The following EIF4EBP1 variants were observed in gnomAD, a reference collection of about 807,000 sequenced individuals.
EIF4EBP1 encodes eukaryotic translation initiation factor 4E binding protein 1.
EIF4EBP1 carries 5 observed loss-of-function variants against 9.2 expected under a neutral mutation model. The observed-to-expected ratio is 0.54, with a 90% CI of 0.28 to 1.14. EIF4EBP1 has a LOEUF of 1.14. EIF4EBP1 is among the 50% of genes most tolerant of loss of function. The pLI is 0.09. For synonymous variants in EIF4EBP1, 62 were observed against 67.0 expected, an observed-to-expected ratio of 0.93 and a Z score of 0.36; for missense variants, 139 against 169.6, an observed-to-expected ratio of 0.82 and a Z score of 1.00.
rs372365100 is a variant in EIF4EBP1, at chr8:38,057,126, A to T, written c.191A>T (p.Asn64Ile). 1.2e-6 allele frequency: 2 copies of T among 1,614,024 alleles called. No individual in the cohort carries two copies. Among genetic ancestry groups the T allele is most frequent in the African/African-American group, 2.7e-5 (2 of 74,898 alleles). Reference protein sequence around the residue: ...YDRKFLMECRNSPVTKTPPRD... With the variant: ...YDRKFLMECRISPVTKTPPRD... ...CGGAAATTCCTGATGGAGTGTCGGA[A>T]CTCACCTGTGACCAAAACACCCCCA... Residue 64 changes from asparagine to isoleucine, a missense_variant, in exon 2 of 3, where the codon AAC becomes ATC. Asn to Ile is a moderately radical substitution (Grantham distance 149). Transcript: ENST00000338825.
chr8:38,034,391 C>A (rs893594018), intron 1 of EIF4EBP1, among the ~76,000 whole-genome samples: 9 of 152,114 alleles, frequency 5.9e-5, no homozygotes, highest in African/African-American at 1.7e-4. Context: ...CACACTGAGG[C>A]TCTGCTCTGA....
At chr8:38,058,051 G>C (rs1182818286) in intron 2 of EIF4EBP1, among the ~76,000 whole-genome samples, 1 of 152,170 alleles carries the variant, frequency 6.6e-6, no homozygotes, top group Non-Finnish European at 1.5e-5. Context: ...AGCTTGGCTG[G>C]CTCTGCTAAC....
rs1011675899 is a variant in EIF4EBP1, at chr8:38,059,846, C to T, written c.326-58C>T. 3 of 1,404,884 alleles carry T rather than the reference C, an allele frequency of 2.1e-6. No individual in the cohort carries two copies. In the African/African-American group the frequency reaches 4.8e-5, roughly 22 times the overall value. 87.0% of individuals were successfully genotyped at this position (1,404,884 alleles called of 1,614,324 possible). On this transcript the variant is annotated intron_variant, in intron 2 of 2. Transcript: ENST00000338825. ...TTCTTTATAGCAATGAAAGAATGGC[C>T]TCATATACCAAGCATTCACCCATTG...
chr8:38,040,729 AGTTTTAT>A (rs1207575209), intron 1 of EIF4EBP1, among the ~76,000 whole-genome samples: 7 of 152,146 alleles, frequency 4.6e-5, no homozygotes, highest in African/African-American at 1.7e-4. Context: ...GTCTAGCTTG[AGTTTTAT>A]TTACATGGTA....
intron 1 of EIF4EBP1, among the ~76,000 whole-genome samples, chr8:38,045,791 G>C (rs147963386): frequency 6.6e-6 from 1 of 151,902 alleles, no homozygotes; most frequent in Non-Finnish European, 1.5e-5. Context: ...CCAGACTACC[G>C]TGCAGTGGTA....
chr8:38,060,268 G>A lies in EIF4EBP1; in HGVS notation c.*333G>A. 2 of 177,174 alleles carry A rather than the reference G, an allele frequency of 1.1e-5. No homozygotes were observed. Among genetic ancestry groups the A allele is most frequent in the Non-Finnish European group, 2.0e-5 (2 of 99,332 alleles). The allele number at this position is 177,174 out of a possible 1,614,324, so 11.0% of individuals were successfully genotyped here. A position where few individuals can be genotyped will look rare whatever the true frequency, so the allele number is the denominator to read the frequency against. The stretch of plus-strand genomic sequence containing the variant: ...GTTCCAGCCCCTCGCTGCTGGGGGC[G>A]CAACCACCCCTTCCTTAGGTTGATG... On this transcript the variant is annotated 3_prime_UTR_variant, in exon 3 of 3. Transcript: ENST00000338825.
intron 1 of EIF4EBP1, among the ~76,000 whole-genome samples, chr8:38,046,471 C>T (rs1418350184): frequency 6.6e-6 from 1 of 152,186 alleles, no homozygotes; most frequent in African/African-American, 2.4e-5. Flanking sequence ...TCACCCTGTC[C>T]CTTCCAAGTG....
intron 1 of EIF4EBP1, among the ~76,000 whole-genome samples, chr8:38,035,997 G>T (rs1031330956): frequency 6.7e-6 from 1 of 149,382 alleles, no homozygotes; most frequent in African/African-American, 2.5e-5. Flanking sequence ...ATGAGTCACC[G>T]CGCCCGGCCT....
intron 1 of EIF4EBP1, among the ~76,000 whole-genome samples, chr8:38,034,914 G>C (rs529240980): frequency 6.6e-6 from 1 of 152,236 alleles, no homozygotes; most frequent in Non-Finnish European, 1.5e-5. Flanking sequence ...TGCAGTGAGG[G>C]AGAAACGATG....
chr8:38,044,199 C>T (rs941834242), intron 1 of EIF4EBP1, among the ~76,000 whole-genome samples: 6 of 151,942 alleles, frequency 3.9e-5, no homozygotes, highest in African/African-American at 1.2e-4. Context: ...CTAAGCCTCA[C>T]GTCCCCACAT....
chr8:38,034,141 G>A (rs912571642), intron 1 of EIF4EBP1, among the ~76,000 whole-genome samples: 5 of 152,004 alleles, frequency 3.3e-5, no homozygotes, highest in African/African-American at 1.2e-4. Flanking sequence ...CAAACTCCTG[G>A]GCTCAAGTGA....
chr8:38,057,005 C>T (rs183859782), intron 1 of EIF4EBP1, 76 bp from the exon 2 acceptor site: 607 of 1,498,978 alleles, frequency 4.0e-4, no homozygotes, highest in Non-Finnish European at 5.1e-4. Context: ...CTACTGCAGC[C>T]ACGCCTTTAA....
chr8:38,031,592 C>A (rs1809221658), intron 1 of EIF4EBP1, among the ~76,000 whole-genome samples: 1 of 152,158 alleles, frequency 6.6e-6, no homozygotes, highest in Non-Finnish European at 1.5e-5. Flanking sequence ...TTGCTCCTCT[C>A]CCTTCATTCT....
At chr8:38,050,772 G>C (rs1030221667) in intron 1 of EIF4EBP1, among the ~76,000 whole-genome samples, 1 of 152,084 alleles carries the variant, frequency 6.6e-6, no homozygotes, top group African/African-American at 2.4e-5. Context: ...GTGAACCACT[G>C]CACCGGGCCT....
rs139669638 is a variant in EIF4EBP1, at chr8:38,038,256, C to A, written c.145+7538C>A. On this transcript the variant is annotated intron_variant, in intron 1 of 2. Transcript: ENST00000338825. ...GGACACGGTGGCTCATGCCTGTAATCCCAGCACTTTGGGAGGCTGAGGTGG... is the reference window on the plus strand; with the variant it reads ...GGACACGGTGGCTCATGCCTGTAATACCAGCACTTTGGGAGGCTGAGGTGG... 3.4e-3 allele frequency among the ~76,000 whole-genome samples: 521 copies of A among 151,716 alleles called. 1 individual carries two copies. The highest frequency in any genetic ancestry group is 0.011 in the African/African-American group (460 of 41,438).
chr8:38,052,584 C>G (rs1050844909), intron 1 of EIF4EBP1, among the ~76,000 whole-genome samples: 13 of 152,024 alleles, frequency 8.6e-5, no homozygotes, highest in African/African-American at 2.9e-4. Flanking sequence ...CAAAAATTAG[C>G]CAGGCATCTG....
At chr8:38,047,379 G>A (rs1031730835) in intron 1 of EIF4EBP1, 17 of 152,278 alleles carry the variant, frequency 1.1e-4, no homozygotes, top group South Asian at 6.2e-4. Flanking sequence ...AGCAAAGACC[G>A]GCAAATATGT....
At chr8:38,058,881 C>G (rs1809631976) in intron 2 of EIF4EBP1, among the ~76,000 whole-genome samples, 1 of 152,150 alleles carries the variant, frequency 6.6e-6, no homozygotes, top group Admixed American at 6.5e-5. Context: ...GCCAGAAGTT[C>G]AATACCAGCC....
chr8:38,055,391 C>T (rs1432451074), intron 1 of EIF4EBP1, among the ~76,000 whole-genome samples: 1 of 152,136 alleles, frequency 6.6e-6, no homozygotes, highest in Non-Finnish European at 1.5e-5. Context: ...GAATGCTACT[C>T]ATCATAGCCC....
Sources: allele counts gnomAD v4.1 joint callset (sites outside exome capture counted in the v4.1 genomes callset), GRCh38; gene constraint gnomAD v4.1.1; transcripts MANE v1.5; gene names NCBI Gene and HGNC (gene_info 2026-07-23, HGNC 2026-07-21).